DYRK1A: variants seen among roughly 807,000 people sequenced by gnomAD.
The protein encoded by DYRK1A is dual specificity tyrosine-phosphorylation-regulated kinase 1A.
DYRK1A carries 9 observed loss-of-function variants against 79.7 expected under a neutral mutation model. That is an observed-to-expected ratio of 0.11 (90% CI 0.07 to 0.20). DYRK1A has a LOEUF of 0.20. Ranked by LOEUF, DYRK1A falls within the 10% of genes least tolerant of loss-of-function variation. DYRK1A has a pLI of 1.00. For missense variants in DYRK1A, 622 were observed against 956.0 expected, an observed-to-expected ratio of 0.65 and a Z score of 4.61; for synonymous variants, 349 against 329.7, an observed-to-expected ratio of 1.06 and a Z score of -0.63.
intron 1 of DYRK1A, among the ~76,000 whole-genome samples, chr21:37,409,120 G>A (rs1319269379): frequency 6.6e-6 from 1 of 152,306 alleles, no homozygotes; most frequent in South Asian, 2.1e-4. Context: ...CAAAAGAGTG[G>A]TATTTGGGTA....
At chr21:37,430,918 C>T (rs1055382820) in intron 2 of DYRK1A, among the ~76,000 whole-genome samples, 10 of 152,130 alleles carry the variant, frequency 6.6e-5, no homozygotes, top group African/African-American at 2.4e-5. Context: ...GCCAGTCTCT[C>T]CCCTTCTTTC....
chr21:37,376,277 A>C (rs1428724270), intron 1 of DYRK1A, among the ~76,000 whole-genome samples: 2 of 152,214 alleles, frequency 1.3e-5, no homozygotes, highest in African/African-American at 4.8e-5. Flanking sequence ...TGGGAGGCCA[A>C]GGCGAGTGGA....
At chr21:37,410,129 T>G (rs2050216741) in intron 1 of DYRK1A, among the ~76,000 whole-genome samples, 1 of 152,202 alleles carries the variant, frequency 6.6e-6, no homozygotes, top group Admixed American at 6.5e-5. Flanking sequence ...AAATAGACTG[T>G]GTACGGCTGT....
At chr21:37,429,667 G>C (rs11700427) in intron 2 of DYRK1A, among the ~76,000 whole-genome samples, 11,487 of 152,292 alleles carry the variant, frequency 0.075, 648 homozygotes, top group Non-Finnish European at 0.11. Context: ...ATTACAGCTT[G>C]ACGTGAGATT....
chr21:37,486,046 A>G (rs1045751584), intron 5 of DYRK1A: 3 of 152,250 alleles, frequency 2.0e-5, no homozygotes, highest in Admixed American at 2.0e-4. Flanking sequence ...TATTTCATAC[A>G]TATTCTTAGG....
At chr21:37,501,868 C>T (rs556264005) in intron 9 of DYRK1A, 15 of 152,242 alleles carry the variant, frequency 9.9e-5, no homozygotes, top group African/African-American at 3.4e-4. Context: ...TTGGATTTGT[C>T]TTAGACTCCC....
intron 9 of DYRK1A, chr21:37,502,059 A>G (rs2148642083): frequency 6.6e-6 from 1 of 152,182 alleles, no homozygotes; most frequent in South Asian, 2.1e-4. Context: ...CAGTGTTCTT[A>G]TTCTTGATAT....
rs774148181 is a variant in DYRK1A at position 37,490,308 on chromosome 21, G to T, written c.771G>T (p.Ala257=). The change falls in exon 7 of 12, where the codon GCG becomes GCT. Residue 257 remains alanine (A), a synonymous_variant. Transcript: ENST00000647188. ...CTTTGAACCTAACACGAAAGTTTGC[G>T]CAACAGATGTGCACTGCACTGCTTT... ...GVSLNLTRKF[A]QQMCTALLFL... 1 of 1,613,712 alleles carries T rather than the reference G, an allele frequency of 6.2e-7. No homozygotes were observed. The highest frequency in any genetic ancestry group is 1.3e-5 in the African/African-American group (1 of 74,982).
At chr21:37,376,019 A>G (rs1401957903) in intron 1 of DYRK1A, among the ~76,000 whole-genome samples, 2 of 152,016 alleles carry the variant, frequency 1.3e-5, no homozygotes, top group Non-Finnish European at 2.9e-5. Context: ...GAGGAGATGA[A>G]GAACAGAATG....
chr21:37,375,594 C>T (rs1168653488), intron 1 of DYRK1A, among the ~76,000 whole-genome samples: 2 of 122,152 alleles, frequency 1.6e-5, no homozygotes, highest in South Asian at 2.6e-4. Context: ...GGCACAATTT[C>T]GGCTCACTGC....
chr21:37,367,322 C>T lies in DYRK1A; in HGVS notation c.-383C>T, dbSNP rs934307836. On this transcript the variant is annotated 5_prime_UTR_variant, in exon 1 of 12. Coordinates refer to ENST00000647188, the MANE Select transcript of DYRK1A (RefSeq NM_001347721.2). ...CGCCGGCAGCAGCCGCCGCTCGGCG[C>T]CCGGCCTCGCCGACGCCGCCCTCTG... 1 of 142,614 alleles carries T rather than the reference C, an allele frequency of 7.0e-6. No homozygotes were observed. Among genetic ancestry groups the T allele is most frequent in the Non-Finnish European group, 1.5e-5 (1 of 65,160 alleles). 8.8% of individuals were successfully genotyped at this position (142,614 alleles called of 1,614,324 possible). A position where few individuals can be genotyped will look rare whatever the true frequency, so the allele number is the denominator to read the frequency against.
At chr21:37,509,370 T>C (rs2053689380) in intron 11 of DYRK1A, among the ~76,000 whole-genome samples, 1 of 152,264 alleles carries the variant, frequency 6.6e-6, no homozygotes. Flanking sequence ...TTTCATTCTT[T>C]TATTTATTTG....
chr21:37,385,288 C>G (rs905170289), intron 1 of DYRK1A, among the ~76,000 whole-genome samples: 6 of 152,136 alleles, frequency 3.9e-5, no homozygotes, highest in African/African-American at 1.4e-4. Context: ...TTAGCTGAGT[C>G]CACTGCTTTA....
At chr21:37,421,961 T>TA in intron 2 of DYRK1A, 1 of 152,308 alleles carries the variant, frequency 6.6e-6, no homozygotes, top group Middle Eastern at 3.4e-3. Context: ...ATTTTGGAGT[T>TA]ACAAAGTTTC....
At chr21:37,490,143 A>G (rs767159611) in intron 6 of DYRK1A, 32 bp from the exon 7 acceptor site, 17 of 1,591,708 alleles carry the variant, frequency 1.1e-5, no homozygotes, top group Admixed American at 5.1e-5. Flanking sequence ...ATTGGTATAT[A>G]TAATTTAAAA....
rs74530922 is a variant in DYRK1A, at chr21:37,499,373, A to G, written c.1212+3115A>G. Reference sequence around the variant, plus strand: ...GTTACAGCAGCATTTGCTGAAAGCAATTACTTTACCCTGTTGATATGTTTT... The same window carrying G: ...GTTACAGCAGCATTTGCTGAAAGCAGTTACTTTACCCTGTTGATATGTTTT... On this transcript the variant is annotated intron_variant, in intron 9 of 11. Transcript: ENST00000647188. Among the ~76,000 whole-genome samples the G allele has an allele frequency of 4.7e-3, 710 of 152,294 alleles. 3 individuals are homozygous for G. Among genetic ancestry groups the G allele is most frequent in the East Asian group, 0.037 (193 of 5,176 alleles).
At chr21:37,495,278 G>C (rs2053234577) in intron 8 of DYRK1A, among the ~76,000 whole-genome samples, 1 of 151,734 alleles carries the variant, frequency 6.6e-6, no homozygotes, top group African/African-American at 2.4e-5. Context: ...GGGAGGTCAA[G>C]GTGGGAGGAT....
At chr21:37,479,919 G>A (rs1055196125) in intron 4 of DYRK1A, among the ~76,000 whole-genome samples, 9 of 151,998 alleles carry the variant, frequency 5.9e-5, no homozygotes, top group Admixed American at 5.2e-4. Context: ...GAGCCACCGC[G>A]CCTGGCCCAG....
chr21:37,463,203 C>CGTGTGT (rs6147501), intron 2 of DYRK1A, among the ~76,000 whole-genome samples: 3,539 of 145,320 alleles, frequency 0.024, 109 homozygotes, highest in African/African-American at 0.059. Flanking sequence ...AATGTTGGCA[C>CGTGTGT]GTGTGTGTGT....
Sources: gnomAD v4.1 joint callset for allele counts (sites outside exome capture counted in the v4.1 genomes callset) on GRCh38, gnomAD v4.1.1 for gene constraint, MANE v1.5 for transcripts, NCBI Gene and HGNC (gene_info 2026-07-23, HGNC 2026-07-21) for gene names.